The following PDE1A variants were observed in gnomAD, a reference collection of about 807,000 sequenced individuals.
PDE1A encodes phosphodiesterase 1A, also known as dual specificity calcium/calmodulin-dependent 3',5'-cyclic nucleotide phosphodiesterase 1A.
In PDE1A, 35 loss-of-function variants were observed where a neutral mutation model predicts 61.7. The ratio of observed to expected loss-of-function variants is 0.57; its 90% CI spans 0.43 to 0.75. The LOEUF is 0.75. Ranked by LOEUF, PDE1A falls within the 30% of genes least tolerant of loss-of-function variation. The pLI, the probability that PDE1A is intolerant of heterozygous loss-of-function variation, is 0.00. For missense variants in PDE1A, 597 were observed against 630.6 expected, an observed-to-expected ratio of 0.95 and a Z score of 0.57; for synonymous variants, 232 against 213.2, an observed-to-expected ratio of 1.09 and a Z score of -0.77.
At chr2:182,606,573 G>A in the PDE1A span, among the ~76,000 whole-genome samples, 3 of 151,928 alleles carry the variant, frequency 2.0e-5, no homozygotes, top group Non-Finnish European at 2.9e-5. Flanking sequence ...ATACAGCAGT[G>A]AACAAAACAG....
At chr2:182,548,632 T>C in the PDE1A span, among the ~76,000 whole-genome samples, 2 of 152,344 alleles carry the variant, frequency 1.3e-5, no homozygotes, top group Admixed American at 6.5e-5. Flanking sequence ...CCCAAAATTA[T>C]GGATTTCTAC....
chr2:182,197,805 T>C (rs796068087), intron 10 of PDE1A, among the ~76,000 whole-genome samples: 5 of 151,918 alleles, frequency 3.3e-5, no homozygotes, highest in Admixed American at 1.3e-4. Flanking sequence ...TTGATCACTG[T>C]AGCTTTATAC....
the PDE1A span, among the ~76,000 whole-genome samples, chr2:182,540,832 G>A: frequency 1.3e-5 from 2 of 151,858 alleles, no homozygotes; most frequent in Non-Finnish European, 2.9e-5. Flanking sequence ...ACAAATACAT[G>A]ACTATGTACT....
At chr2:182,305,306 C>G (rs1244995253) in intron 1 of PDE1A, among the ~76,000 whole-genome samples, 1 of 152,064 alleles carries the variant, frequency 6.6e-6, no homozygotes, top group Non-Finnish European at 1.5e-5. Flanking sequence ...AGTTTTTCCT[C>G]TACATCATGA....
At chr2:182,603,340 T>C in the PDE1A span, among the ~76,000 whole-genome samples, 1 of 152,104 alleles carries the variant, frequency 6.6e-6, no homozygotes, top group Non-Finnish European at 1.5e-5. Context: ...AAGTTTTTTG[T>C]TTTTTGTTTT....
At position 182,232,880 on chromosome 2, in the gene PDE1A, C is replaced by A. The variant is rs1008934070; in HGVS notation, c.417+1552G>T. 4.6e-5 allele frequency among the ~76,000 whole-genome samples: 7 copies of A among 152,118 alleles called. 1 individual carries two copies. The highest frequency in any genetic ancestry group is 1.7e-4 in the African/African-American group (7 of 41,434). On this transcript the variant is annotated intron_variant, in intron 4 of 13. Coordinates refer to ENST00000351439, the Ensembl canonical transcript of PDE1A. ...TTATTTCTTGAGAATTTTTTATAAA[C>A]CCTGATGATTTACATTTCTAAACTA...
chr2:182,155,806 GC>G (rs1691048901), intron 13 of PDE1A, among the ~76,000 whole-genome samples: 1 of 152,178 alleles, frequency 6.6e-6, no homozygotes, highest in Non-Finnish European at 1.5e-5. Flanking sequence ...CAGGAGAATT[GC>G]TTGAACCAGG....
At chr2:182,176,450 G>C (rs1272543127) in intron 13 of PDE1A, among the ~76,000 whole-genome samples, 3 of 141,406 alleles carry the variant, frequency 2.1e-5, no homozygotes, top group Non-Finnish European at 3.0e-5. Flanking sequence ...TGAAGCAATT[G>C]TGAATGGGAG....
At chr2:182,242,806 C>T (rs988466098) in intron 2 of PDE1A, among the ~76,000 whole-genome samples, 4 of 152,084 alleles carry the variant, frequency 2.6e-5, no homozygotes, top group Non-Finnish European at 5.9e-5. Flanking sequence ...AAATTTCAGA[C>T]TTGCCAGCAC....
chr2:182,233,775 CCACACACACACACACACA>C (rs4018725), intron 4 of PDE1A, among the ~76,000 whole-genome samples: 3 of 147,188 alleles, frequency 2.0e-5, no homozygotes, highest in African/African-American at 7.5e-5. Context: ...CACATGAACA[CCACACACACACACACACA>C]CACACACACA....
intron 1 of PDE1A, among the ~76,000 whole-genome samples, chr2:182,397,471 T>C (rs1173567931): frequency 6.6e-6 from 1 of 152,158 alleles, no homozygotes; most frequent in Non-Finnish European, 1.5e-5. Context: ...AAAAATGGTA[T>C]TTTTCAATTA....
In PDE1A at chr2:182,189,559, A is replaced by G. The variant is rs992184873; in HGVS notation, c.1126-499T>C. On this transcript the variant is annotated intron_variant, in intron 10 of 13. Coordinates refer to ENST00000351439, the Ensembl canonical transcript of PDE1A. ...AGTTTTATTAAATCTTCCACAACAT[A>G]TAATGAGGAATTTCTTCAACATTCT... Among the ~76,000 whole-genome samples, 7 of 152,350 alleles carry G rather than the reference A, an allele frequency of 4.6e-5. No homozygotes were observed. In the South Asian group the frequency reaches 1.2e-3, roughly 27 times the overall value.
At chr2:182,702,117 A>AT in the PDE1A span, among the ~76,000 whole-genome samples, 3 of 152,054 alleles carry the variant, frequency 2.0e-5, no homozygotes, top group African/African-American at 7.2e-5. Flanking sequence ...TGATTGATTG[A>AT]TTTTTGAGTG....
intron 2 of PDE1A, among the ~76,000 whole-genome samples, chr2:182,481,646 TG>T (rs1042089233): frequency 2.6e-5 from 4 of 151,862 alleles, no homozygotes; most frequent in Non-Finnish European, 4.4e-5. Context: ...AATCCCAGAT[TG>T]TGGAAATAGC....
At chr2:182,300,038 C>T (rs1177031863) in intron 1 of PDE1A, among the ~76,000 whole-genome samples, 1 of 152,234 alleles carries the variant, frequency 6.6e-6, no homozygotes, top group African/African-American at 2.4e-5. Flanking sequence ...TGTAGTAGTC[C>T]AGTTGTCTGG....
intron 13 of PDE1A, among the ~76,000 whole-genome samples, chr2:182,183,548 G>C (rs1684944972): frequency 2.0e-5 from 3 of 152,118 alleles, no homozygotes; most frequent in Admixed American, 2.0e-4. Context: ...ACTTAGACTA[G>C]ATGAGGAGAG....
At chr2:182,185,468 C>T (rs1197149461) in intron 13 of PDE1A, among the ~76,000 whole-genome samples, 4 of 152,072 alleles carry the variant, frequency 2.6e-5, no homozygotes, top group Admixed American at 2.6e-4. Flanking sequence ...AAAAAAGCAA[C>T]TTAGTGAAAC....
At chr2:182,276,982 G>A (rs896736308) in intron 1 of PDE1A, among the ~76,000 whole-genome samples, 4 of 152,014 alleles carry the variant, frequency 2.6e-5, no homozygotes, top group Admixed American at 1.3e-4. Flanking sequence ...CTCTGCTCTC[G>A]AACGCTGTTT....
chr2:182,598,762 T>C, the PDE1A span, among the ~76,000 whole-genome samples: 2 of 152,180 alleles, frequency 1.3e-5, no homozygotes, highest in Non-Finnish European at 2.9e-5. Flanking sequence ...CTGATTATTT[T>C]AACCATTCAC....
Sources: allele counts gnomAD v4.1 joint callset (sites outside exome capture counted in the v4.1 genomes callset), GRCh38; gene constraint gnomAD v4.1.1; transcripts MANE v1.5; gene names NCBI Gene and HGNC (gene_info 2026-07-23, HGNC 2026-07-21).